Variants in USP40 observed in about 807,000 individuals in gnomAD.
The protein encoded by USP40 is ubiquitin carboxyl-terminal hydrolase 40.
USP40 carries 143 observed loss-of-function variants against 166.2 expected under a neutral mutation model. That is an observed-to-expected ratio of 0.86 (90% CI 0.75 to 0.99). USP40 has a LOEUF of 0.99. Ranked by LOEUF, USP40 falls within the 50% of genes least tolerant of loss-of-function variation. The probability of loss-of-function intolerance (pLI) is 0.00; values close to 1 mark genes in which losing one functional copy is unlikely to be tolerated. For synonymous variants in USP40, 498 were observed against 524.0 expected (o/e 0.95, Z 0.68); for missense variants, 1,444 against 1,479.7 (o/e 0.98, Z 0.40).
At chr2:233,551,083 C>A (rs2070507203) in intron 7 of USP40, among the ~76,000 whole-genome samples, 1 of 152,096 alleles carries the variant, frequency 6.6e-6, no homozygotes, top group Non-Finnish European at 1.5e-5. Context: ...TCAATCTTGC[C>A]CACGCTGTCC....
intron 22 of USP40, 91 bp downstream of exon 22, chr2:233,499,788 A>ATTTTTTTTT: frequency 9.3e-7 from 1 of 1,070,816 alleles, no homozygotes. Context: ...CACCCTATAA[A>ATTTTTTTTT]TTTTTTTTTC....
At chr2:233,554,591 C>T (rs1264533442) in intron 5 of USP40, 65 bp from the exon 6 acceptor site, 1 of 1,299,872 alleles carries the variant, frequency 7.7e-7, no homozygotes, top group Non-Finnish European at 1.0e-6. Context: ...ATCATCAACT[C>T]ACATATATAT....
rs760596187 is a variant in USP40 at position 233,523,447 on chromosome 2, G to T, written c.1924C>A (p.Leu642Ile). The T allele has an allele frequency of 3.7e-6, 6 of 1,613,956 alleles. No individual in the cohort carries two copies. Among genetic ancestry groups the T allele is most frequent in the Non-Finnish European group, 5.1e-6 (6 of 1,179,868 alleles). The stretch of plus-strand genomic sequence containing the variant: ...TCTAGATGAAGAACATTTAAAAGTA[G>T]AGGTTCGCAGTCAATACCAGTTTGA... Reference protein sequence around the residue: ...HIQTGIDCEPLLLNVLHLDTS... With the variant: ...HIQTGIDCEPILLNVLHLDTS... The change falls in exon 16 of 32, where the codon CTA becomes ATA. Residue 642 changes from leucine to isoleucine, a missense_variant. By Grantham distance (5) the Leu-to-Ile change is conservative. Transcript: ENST00000678225.
At chr2:233,511,324 T>TA (rs2066817835) in intron 20 of USP40, among the ~76,000 whole-genome samples, 1 of 152,194 alleles carries the variant, frequency 6.6e-6, no homozygotes, top group Non-Finnish European at 1.5e-5. Flanking sequence ...GTGTTAGACT[T>TA]ACTATTTTCT....
intron 3 of USP40, chr2:233,561,136 C>T: frequency 1.3e-6 from 2 of 1,564,396 alleles, no homozygotes; most frequent in Admixed American, 1.9e-5. Flanking sequence ...GCTAAAACAC[C>T]CCAGTAAATC....
intron 21 of USP40, among the ~76,000 whole-genome samples, chr2:233,506,345 C>T (rs939955045): frequency 6.6e-6 from 1 of 152,110 alleles, no homozygotes; most frequent in Admixed American, 6.5e-5. Context: ...ATACAAAAAT[C>T]AACTCAAAAT....
intron 31 of USP40, among the ~76,000 whole-genome samples, chr2:233,478,080 G>C (rs532233400): frequency 6.6e-6 from 1 of 152,244 alleles, no homozygotes; most frequent in Non-Finnish European, 1.5e-5. Context: ...AAGCCTCCGC[G>C]GCCCACCCGC....
At position 233,485,756 on chromosome 2, in the gene USP40, C is replaced by A. The variant is rs372981440; in HGVS notation, c.3408+11G>T. On this transcript the variant is annotated intron_variant, in intron 29 of 31. Coordinates refer to ENST00000678225, the MANE Select transcript of USP40 (RefSeq NM_001365479.2). The stretch of plus-strand genomic sequence containing the variant: ...AGCCCCAATTTCTCTGAGACAGCCC[C>A]ACAACTTTACCCAGCTAGATATCGG... The A allele has an allele frequency of 3.4e-5, 55 of 1,612,530 alleles. No homozygotes were observed. Among genetic ancestry groups the A allele is most frequent in the Non-Finnish European group, 4.5e-5 (53 of 1,179,358 alleles).
At position 233,493,501 on chromosome 2, in the gene USP40, T is replaced by A. The variant is rs13395852; in HGVS notation, c.2841A>T (p.Gly947=). The change falls in exon 25 of 32, where the codon GGA becomes GGT. Residue 947 remains glycine (G), a synonymous_variant. Coordinates refer to ENST00000678225, the MANE Select transcript of USP40 (RefSeq NM_001365479.2). This position sits in a 1 kb window ranked among gnomAD's most constrained non-coding sequence, Gnocchi z 4.7. ...TCTGGTCCTGATGACTCTCCCAGTGTCCTGAGGGACCCTGAAGCTGGTACC... is the reference window on the plus strand; with the variant it reads ...TCTGGTCCTGATGACTCTCCCAGTGACCTGAGGGACCCTGAAGCTGGTACC... ...IWWYQLQGPS[G]HWESHQDQTN... The A allele has an allele frequency of 8.1e-4, 1,311 of 1,613,730 alleles. 11 individuals carry two copies. In the African/African-American group the frequency reaches 0.016, roughly 19 times the overall value.
rs557793642 is a variant in USP40 at position 233,480,223 on chromosome 2, A to G, written c.3599+980T>C. ...ACGGGCAGCCAAGATACTGAGGGGCAGAAGAAGGGGATTAGGGTGAGCGGG... is the reference window on the plus strand; with the variant it reads ...ACGGGCAGCCAAGATACTGAGGGGCGGAAGAAGGGGATTAGGGTGAGCGGG... On this transcript the variant is annotated intron_variant, in intron 31 of 31. Transcript: ENST00000678225. The surrounding 1 kb of genome is among the most constrained non-coding windows in gnomAD (Gnocchi z 4.5). Among the ~76,000 whole-genome samples, 36 of 152,324 alleles carry G rather than the reference A, an allele frequency of 2.4e-4. No homozygotes were observed. Among genetic ancestry groups the G allele is most frequent in the African/African-American group, 8.2e-4 (34 of 41,586 alleles).
chr2:233,480,645 C>A lies in USP40; in HGVS notation c.3599+558G>T, dbSNP rs1337317190. Among the ~76,000 whole-genome samples, 2 of 152,180 alleles carry A rather than the reference C, an allele frequency of 1.3e-5. No homozygotes were observed. Among genetic ancestry groups the A allele is most frequent in the Non-Finnish European group, 2.9e-5 (2 of 68,032 alleles). ...CCAGAGCTGGGAGGAGGGAGAGAGG[C>A]AAGGAGTCCTGAGCAGAGGTAGAAG... On this transcript the variant is annotated intron_variant, in intron 31 of 31. Transcript: ENST00000678225. The surrounding 1 kb of genome is among the most constrained non-coding windows in gnomAD (Gnocchi z 4.5).
chr2:233,550,073 C>T (rs757488047), intron 7 of USP40, among the ~76,000 whole-genome samples: 4 of 152,108 alleles, frequency 2.6e-5, no homozygotes, highest in Non-Finnish European at 4.4e-5. Context: ...CTGGCTTTGA[C>T]GTCTAAACTC....
intron 31 of USP40, among the ~76,000 whole-genome samples, 181 bp downstream of exon 31, chr2:233,481,022 G>A (rs1361835548): frequency 6.6e-6 from 1 of 152,188 alleles, no homozygotes; most frequent in Admixed American, 6.5e-5. Context: ...AAAGCTCCAG[G>A]AGGAGGCACT....
intron 13 of USP40, among the ~76,000 whole-genome samples, chr2:233,527,009 G>C (rs2068076177): frequency 6.6e-6 from 1 of 152,144 alleles, no homozygotes; most frequent in Non-Finnish European, 1.5e-5. Context: ...AATAAATACT[G>C]TTCTATACTA....
intron 30 of USP40, among the ~76,000 whole-genome samples, chr2:233,482,518 T>A (rs1165415408): frequency 6.6e-6 from 1 of 152,096 alleles, no homozygotes; most frequent in Non-Finnish European, 1.5e-5. Context: ...GACGGGCATC[T>A]GTGTACTAAA....
intron 30 of USP40, 122 bp from the exon 31 acceptor site, chr2:233,481,419 A>G: frequency 1.2e-6 from 1 of 849,862 alleles, no homozygotes; most frequent in Non-Finnish European, 1.8e-6. Flanking sequence ...TACATAAACT[A>G]GGTGAATAAC....
At chr2:233,518,161 C>T (rs991797674) in intron 18 of USP40, among the ~76,000 whole-genome samples, 11 of 149,588 alleles carry the variant, frequency 7.4e-5, no homozygotes, top group Non-Finnish European at 1.5e-4. Flanking sequence ...CCACCTGTAC[C>T]CCAATAACCT....
intron 26 of USP40, among the ~76,000 whole-genome samples, chr2:233,490,863 A>C (rs1267954151): frequency 6.6e-6 from 1 of 152,230 alleles, no homozygotes; most frequent in African/African-American, 2.4e-5. Context: ...TGAATGCTTT[A>C]CAAATGTTCC....
Position 233,477,276 on chromosome 2 carries a change from G to T in USP40, c.*116C>A. 1 of 941,878 alleles carries T rather than the reference G, an allele frequency of 1.1e-6. No homozygotes were observed. Among genetic ancestry groups the T allele is most frequent in the Non-Finnish European group, 1.6e-6 (1 of 607,056 alleles). 58.3% of individuals were successfully genotyped at this position (941,878 alleles called of 1,614,324 possible). Reference sequence around the variant, plus strand: ...CAGAGGAGCCGTCCCTGTGCTCAAAGGAAGCAGAGGATTTGGGATTGGAGG... The same window carrying T: ...CAGAGGAGCCGTCCCTGTGCTCAAATGAAGCAGAGGATTTGGGATTGGAGG... On this transcript the variant is annotated 3_prime_UTR_variant, in exon 32 of 32. Transcript: ENST00000678225.
Sources: gnomAD v4.1 joint callset for allele counts (sites outside exome capture counted in the v4.1 genomes callset) on GRCh38, gnomAD v4.1.1 for gene constraint, Gnocchi (gnomAD v3.1) non-coding constraint, MANE v1.5 for transcripts, NCBI Gene and HGNC (gene_info 2026-07-23, HGNC 2026-07-21) for gene names.